SLC35F3: variants seen among roughly 807,000 people sequenced by gnomAD.
The protein encoded by SLC35F3 is solute carrier family 35 member F3.
In SLC35F3, 25 loss-of-function variants were observed where a neutral mutation model predicts 49.9. The observed-to-expected ratio is 0.50, with a 90% CI of 0.37 to 0.70. The LOEUF (loss-of-function observed/expected upper bound fraction) is 0.70, where lower values mean the gene tolerates loss of function less well. Ranked by LOEUF, SLC35F3 falls within the 30% of genes least tolerant of loss-of-function variation. The pLI is 0.00. For missense variants in SLC35F3, 525 were observed against 639.8 expected (o/e 0.82, Z 1.94); for synonymous variants, 275 against 265.4 (o/e 1.04, Z -0.35).
intron 2 of SLC35F3, among the ~76,000 whole-genome samples, chr1:233,938,058 C>T (rs1662362345): frequency 6.6e-6 from 1 of 152,112 alleles, no homozygotes; most frequent in African/African-American, 2.4e-5. Flanking sequence ...GCCATTGCCC[C>T]CATTGATTAG....
intron 2 of SLC35F3, among the ~76,000 whole-genome samples, chr1:233,962,668 G>A (rs1166821837): frequency 3.9e-5 from 6 of 152,140 alleles, no homozygotes; most frequent in Non-Finnish European, 8.8e-5. Flanking sequence ...TTCATTCAAC[G>A]TTTCACAGGT....
intron 2 of SLC35F3, among the ~76,000 whole-genome samples, chr1:233,994,962 A>G (rs1385889109): frequency 6.6e-6 from 1 of 152,180 alleles, no homozygotes; most frequent in African/African-American, 2.4e-5. Flanking sequence ...GCACCTTCAC[A>G]TCTTGTGTGA....
chr1:233,960,388 G>A (rs1269084383), intron 2 of SLC35F3, among the ~76,000 whole-genome samples: 6 of 152,128 alleles, frequency 3.9e-5, no homozygotes, highest in South Asian at 4.2e-4. Context: ...CAATACAAGC[G>A]GCCACTTTTC....
intron 2 of SLC35F3, among the ~76,000 whole-genome samples, chr1:233,917,514 C>G (rs538096441): frequency 6.6e-6 from 1 of 152,046 alleles, no homozygotes; most frequent in Non-Finnish European, 1.5e-5. Context: ...AGCTACTAAA[C>G]CAGCACATTT....
chr1:234,010,772 G>T (rs1322299521), intron 2 of SLC35F3, among the ~76,000 whole-genome samples: 2 of 152,076 alleles, frequency 1.3e-5, no homozygotes, highest in African/African-American at 4.8e-5. Context: ...TGAAGGGATG[G>T]AAAGAGATGG....
intron 2 of SLC35F3, among the ~76,000 whole-genome samples, chr1:233,917,773 C>G (rs1661995555): frequency 6.6e-6 from 1 of 152,178 alleles, no homozygotes; most frequent in Non-Finnish European, 1.5e-5. Flanking sequence ...CTTGGCTGTT[C>G]CACTTCACAA....
At chr1:234,067,965 C>T (rs1664647761) in intron 2 of SLC35F3, among the ~76,000 whole-genome samples, 1 of 152,186 alleles carries the variant, frequency 6.6e-6, no homozygotes, top group African/African-American at 2.4e-5. Context: ...TCTGTTTGGC[C>T]TCCAGAGGTG....
At chr1:234,084,218 T>TAC (rs1226432740) in intron 2 of SLC35F3, among the ~76,000 whole-genome samples, 2 of 112,626 alleles carry the variant, frequency 1.8e-5, no homozygotes, top group Non-Finnish European at 3.5e-5. Flanking sequence ...TGATAAGGAA[T>TAC]AGACACACAC....
chr1:234,227,954 T>G (rs1276699084), intron 2 of SLC35F3, among the ~76,000 whole-genome samples: 2 of 152,226 alleles, frequency 1.3e-5, no homozygotes, highest in Admixed American at 1.3e-4. Flanking sequence ...GCATTTCCAA[T>G]AGTAGAAAAT....
At chr1:233,918,442 T>C (rs990663645) in intron 2 of SLC35F3, among the ~76,000 whole-genome samples, 1 of 152,126 alleles carries the variant, frequency 6.6e-6, no homozygotes, top group African/African-American at 2.4e-5. Context: ...GGGGGAAACA[T>C]AGCTATAAAA....
At chr1:234,119,952 A>G (rs1665547885) in intron 2 of SLC35F3, among the ~76,000 whole-genome samples, 1 of 152,218 alleles carries the variant, frequency 6.6e-6, no homozygotes, top group Non-Finnish European at 1.5e-5. Flanking sequence ...CCAGCCCTGA[A>G]CTGAGAAGGC....
At chr1:234,113,362 C>T (rs1665436585) in intron 2 of SLC35F3, among the ~76,000 whole-genome samples, 1 of 152,142 alleles carries the variant, frequency 6.6e-6, no homozygotes, top group Admixed American at 6.6e-5. Flanking sequence ...ATAAAGTAAG[C>T]TCTGAACATA....
chr1:234,290,816 T>G (rs1446037129), intron 3 of SLC35F3, among the ~76,000 whole-genome samples: 2 of 152,218 alleles, frequency 1.3e-5, no homozygotes, highest in Non-Finnish European at 2.9e-5. Context: ...AACCAGGACA[T>G]TAAAGAACCT....
chr1:234,076,113 A>G (rs147912627), intron 2 of SLC35F3, among the ~76,000 whole-genome samples: 72 of 152,318 alleles, frequency 4.7e-4, no homozygotes, highest in Middle Eastern at 3.4e-3. Flanking sequence ...TTTGTTTTAC[A>G]GTTGAAATAT....
chr1:234,043,454 TAAA>T (rs1425294012), intron 2 of SLC35F3, among the ~76,000 whole-genome samples: 1 of 152,210 alleles, frequency 6.6e-6, no homozygotes, highest in Non-Finnish European at 1.5e-5. Context: ...TTTCTAAAGT[TAAA>T]GAAGAGTAGC....
Position 234,140,002 on chromosome 1 carries a change from A to AATAAAATAAAATAAATAAAATAAAAAAAT in SLC35F3, c.284-91415_284-91414insATAAAATAAAATAAATAAAATAAAAAAAT. 1.9e-5 allele frequency among the ~76,000 whole-genome samples: 2 copies of AATAAAATAAAATAAATAAAATAAAAAAAT among 105,368 alleles called. 1 individual carries two copies. Among genetic ancestry groups the AATAAAATAAAATAAATAAAATAAAAAAAT allele is most frequent in the Non-Finnish European group, 4.7e-5 (2 of 42,150 alleles). 69.1% of individuals were successfully genotyped at this position (105,368 alleles called of 152,430 possible). A position where few individuals can be genotyped will look rare whatever the true frequency, so the allele number is the denominator to read the frequency against. On this transcript the variant is annotated intron_variant, in intron 2 of 7. Coordinates refer to ENST00000366618, the MANE Select transcript of SLC35F3 (RefSeq NM_173508.4). ...AATAAAATAAAATAAAATAAAATAA[A>AATAAAATAAAATAAATAAAATAAAAAAAT]GTAAGTGACTTGAACACAAGTACTG...
intron 2 of SLC35F3, among the ~76,000 whole-genome samples, chr1:233,964,449 G>A (rs1662863887): frequency 6.6e-6 from 1 of 152,218 alleles, no homozygotes; most frequent in Admixed American, 6.5e-5. Context: ...CACCTTCACA[G>A]CATGGAGGAC....
intron 2 of SLC35F3, among the ~76,000 whole-genome samples, chr1:234,181,669 C>A (rs184383180): frequency 1.3e-5 from 2 of 152,304 alleles, no homozygotes; most frequent in East Asian, 3.9e-4. Flanking sequence ...CTGATGGCAT[C>A]TCTGTGGTGT....
intron 2 of SLC35F3, among the ~76,000 whole-genome samples, chr1:234,224,793 A>G (rs919795936): frequency 2.0e-5 from 3 of 152,234 alleles, no homozygotes; most frequent in African/African-American, 7.2e-5. Context: ...CAAAAGAGAA[A>G]TAACCTTACT....
Sources: allele counts gnomAD v4.1 joint callset (sites outside exome capture counted in the v4.1 genomes callset), GRCh38; gene constraint gnomAD v4.1.1; transcripts MANE v1.5; gene names NCBI Gene and HGNC (gene_info 2026-07-23, HGNC 2026-07-21).